USP32: variants seen among roughly 807,000 people sequenced by gnomAD.
The protein encoded by USP32 is ubiquitin carboxyl-terminal hydrolase 32.
USP32 carries 59 observed loss-of-function variants against 204.8 expected under a neutral mutation model. The observed-to-expected ratio is 0.29, with a 90% CI of 0.23 to 0.36. USP32 has a LOEUF of 0.36. Ranked by LOEUF, USP32 falls within the 10% of genes least tolerant of loss-of-function variation. The probability of loss-of-function intolerance (pLI) is 1.00; values close to 1 mark genes in which losing one functional copy is unlikely to be tolerated. For synonymous variants in USP32, 517 were observed against 678.4 expected, an observed-to-expected ratio of 0.76 and a Z score of 3.70; for missense variants, 1,160 against 1,946.4, an observed-to-expected ratio of 0.60 and a Z score of 7.60.
At chr17:60,388,339 T>G (rs895561448) in intron 1 of USP32, among the ~76,000 whole-genome samples, 12 of 135,344 alleles carry the variant, frequency 8.9e-5, no homozygotes, top group African/African-American at 4.0e-4. Flanking sequence ...CTTATAATCC[T>G]GTTTCCAGAA....
At position 60,366,147 on chromosome 17, in the gene USP32, T is replaced by TTTTTTTC. The variant is rs577658277; in HGVS notation, c.59-20546_59-20540dup. 2.4e-3 allele frequency among the ~76,000 whole-genome samples: 361 copies of TTTTTTTC among 151,194 alleles called. 2 individuals are homozygous for TTTTTTTC. The highest frequency in any genetic ancestry group is 3.8e-3 in the Non-Finnish European group (256 of 67,898). On this transcript the variant is annotated intron_variant, in intron 1 of 33. Transcript: ENST00000300896. ...CATGTGACACCACGCCGGGCTAAGTTTTTTTTCTTTTTTCTTTTTTCTTTT... is the reference window on the plus strand; with the variant it reads ...CATGTGACACCACGCCGGGCTAAGTTTTTTTTCTTTTTTCTTTTTTCTTTTTTCTTTT...
chr17:60,267,804 C>A (rs2086632470), intron 7 of USP32, among the ~76,000 whole-genome samples: 1 of 151,400 alleles, frequency 6.6e-6, no homozygotes, highest in Admixed American at 6.6e-5. Context: ...CAGGTGTGAG[C>A]CACCGTGCCA....
In USP32 at chr17:60,265,995, T is replaced by G. The variant is rs1378065006; in HGVS notation, c.908A>C (p.Asn303Thr). ...ACTTACAGGAATATCATCAGTGCGG[T>G]TGTCCTTCCAGACTTCTAAAAGTGC... is the stretch of plus-strand genomic sequence containing the variant. ...VVALLEVWKD[N>T]RTDDIPELHM... Residue 303 changes from asparagine (N) to threonine (T), a missense_variant, in exon 8 of 34, where the codon AAC (asparagine) becomes ACC (threonine). Around this residue, in one of 8 missense-constraint regions of USP32, gnomAD observed 536 missense variants for 680.9 expected, o/e 0.79. Transcript: ENST00000300896. The G allele has an allele frequency of 3.7e-6, 6 of 1,613,932 alleles. No individual in the cohort carries two copies. Among genetic ancestry groups the G allele is most frequent in the Non-Finnish European group, 5.1e-6 (6 of 1,179,878 alleles).
chr17:60,219,735 T>C lies in USP32; in HGVS notation c.1802A>G (p.Tyr601Cys). The C allele has an allele frequency of 6.2e-7, 1 of 1,613,642 alleles. No individual in the cohort carries two copies. The highest frequency in any genetic ancestry group is 8.5e-7 in the Non-Finnish European group (1 of 1,179,852). The change falls in exon 16 of 34, where the codon TAT (tyrosine) becomes TGT (cysteine). Residue 601 changes from tyrosine (Y) to cysteine (C), a missense_variant. Tyr to Cys is a radical substitution (Grantham distance 194). This residue lies in a region of USP32 where 37 missense variants were observed against 62.6 expected (regional missense o/e 0.59). Coordinates refer to ENST00000300896, the MANE Select transcript of USP32 (RefSeq NM_032582.4). ...AGGCTGCTGTCTCAGGAAGAGAAGA[T>C]AGCGGGGAAATAATTCCAGCTCTGG... ...DIPELELFPR[Y>C]LLFLRQQPAT... is the part of the protein sequence containing the mutation.
intron 15 of USP32, 121 bp downstream of exon 15, chr17:60,222,288 G>A: frequency 8.7e-7 from 1 of 1,155,806 alleles, no homozygotes; most frequent in East Asian, 2.4e-5. Context: ...CACAGGTTCA[G>A]AACACTCTTC....
intron 6 of USP32, among the ~76,000 whole-genome samples, chr17:60,270,161 C>T (rs773743582): frequency 1.1e-4 from 16 of 151,828 alleles, no homozygotes; most frequent in East Asian, 1.9e-4. Context: ...TCAAACATTT[C>T]GTAAAAAAAA....
chr17:60,311,477 CTT>C (rs973529951), intron 2 of USP32, among the ~76,000 whole-genome samples: 2 of 152,128 alleles, frequency 1.3e-5, no homozygotes, highest in African/African-American at 4.8e-5. Flanking sequence ...AAGAAAAAGA[CTT>C]ATAACATACC....
At chr17:60,286,918 C>CGG (rs916668664) in intron 5 of USP32, among the ~76,000 whole-genome samples, 2 of 152,062 alleles carry the variant, frequency 1.3e-5, no homozygotes, top group Non-Finnish European at 2.9e-5. Context: ...GAGGCTGAGG[C>CGG]GGGTGGATCA....
chr17:60,241,391 C>A (rs2085873531), intron 11 of USP32, among the ~76,000 whole-genome samples: 2 of 152,114 alleles, frequency 1.3e-5, no homozygotes, highest in African/African-American at 4.8e-5. Flanking sequence ...CATTACTAAA[C>A]CAGACAATGG....
intron 12 of USP32, among the ~76,000 whole-genome samples, chr17:60,234,116 A>AGT (rs1378774457): frequency 1.4e-5 from 2 of 141,772 alleles, no homozygotes; most frequent in Non-Finnish European, 3.1e-5. Flanking sequence ...AGCATGACTA[A>AGT]TTTTTTTTTT....
intron 9 of USP32, among the ~76,000 whole-genome samples, chr17:60,257,257 C>T (rs908094702): frequency 6.6e-6 from 1 of 152,110 alleles, no homozygotes; most frequent in Non-Finnish European, 1.5e-5. Context: ...TGGCAGATGA[C>T]TGGTAGAAGG....
chr17:60,368,162 A>G (rs1567878764), intron 1 of USP32, among the ~76,000 whole-genome samples: 1 of 152,146 alleles, frequency 6.6e-6, no homozygotes, highest in Non-Finnish European at 1.5e-5. Flanking sequence ...AATTCCACCT[A>G]ATCAACTTCA....
intron 10 of USP32, among the ~76,000 whole-genome samples, chr17:60,254,827 T>A (rs578013539): frequency 1.3e-5 from 2 of 152,252 alleles, no homozygotes; most frequent in South Asian, 4.1e-4. Flanking sequence ...TATTTTCTTT[T>A]AAAAAAATTC....
At chr17:60,328,448 G>A (rs189024663) in intron 2 of USP32, among the ~76,000 whole-genome samples, 3 of 152,282 alleles carry the variant, frequency 2.0e-5, no homozygotes, top group Non-Finnish European at 4.4e-5. Context: ...ACAGAGAGGA[G>A]CTGCCCACTG....
chr17:60,347,468 C>T (rs1484558601), intron 1 of USP32, among the ~76,000 whole-genome samples: 1 of 151,886 alleles, frequency 6.6e-6, no homozygotes, highest in Non-Finnish European at 1.5e-5. Flanking sequence ...ATTCTCCCGC[C>T]TCAGCCTCCC....
chr17:60,265,130 G>A (rs1391526851), intron 9 of USP32, among the ~76,000 whole-genome samples: 2 of 152,150 alleles, frequency 1.3e-5, no homozygotes, highest in Admixed American at 1.3e-4. Flanking sequence ...TTAGTCAAAT[G>A]GAAGAAATAC....
intron 2 of USP32, among the ~76,000 whole-genome samples, chr17:60,333,261 G>A (rs1323318440): frequency 2.0e-5 from 3 of 152,136 alleles, no homozygotes; most frequent in African/African-American, 7.2e-5. Context: ...GCCTTCCACA[G>A]TGTATTCTTA....
At chr17:60,313,206 G>A (rs1050622654) in intron 2 of USP32, among the ~76,000 whole-genome samples, 3 of 139,818 alleles carry the variant, frequency 2.1e-5, no homozygotes, top group Admixed American at 6.8e-5. Flanking sequence ...AGCCAAGATC[G>A]CACCACTGCA....
intron 2 of USP32, among the ~76,000 whole-genome samples, chr17:60,320,831 C>T (rs1279715685): frequency 6.6e-6 from 1 of 152,076 alleles, no homozygotes; most frequent in Non-Finnish European, 1.5e-5. Flanking sequence ...ACCAGAATTC[C>T]AGGCAAATGT....
Sources: allele counts gnomAD v4.1 joint callset (sites outside exome capture counted in the v4.1 genomes callset), GRCh38; gene constraint gnomAD v4.1.1; regional missense constraint gnomAD v4.1.1; transcripts MANE v1.5; gene names NCBI Gene and HGNC (gene_info 2026-07-23, HGNC 2026-07-21).